The following DPY30 variants were observed in gnomAD, a reference collection of about 807,000 sequenced individuals.
DPY30 encodes protein dpy-30 homolog.
A neutral mutation model predicts 16.2 loss-of-function variants in DPY30; 6 were observed. The observed-to-expected ratio is 0.37, with a 90% CI of 0.20 to 0.73. DPY30 has a LOEUF of 0.73. Ranked by LOEUF, DPY30 falls within the 30% of genes least tolerant of loss-of-function variation. The pLI, the probability that DPY30 is intolerant of heterozygous loss-of-function variation, is 0.51. For missense variants in DPY30, 73 were observed against 113.1 expected, an observed-to-expected ratio of 0.65 and a Z score of 1.61; for synonymous variants, 39 against 38.8, an observed-to-expected ratio of 1.00 and a Z score of -0.02.
chr2:32,022,846 C>A (rs1324339395), downstream of DPY30, among the ~76,000 whole-genome samples: 1 of 151,964 alleles, frequency 6.6e-6, no homozygotes, highest in Non-Finnish European at 1.5e-5. Flanking sequence ...TTTGCAAAGG[C>A]CTTAACATGT....
Position 32,024,158 on chromosome 2 carries a change from T to TA in DPY30, c.*25dup. 1 of 1,605,572 alleles carries TA rather than the reference T, an allele frequency of 6.2e-7. No individual in the cohort carries two copies. On this transcript the variant is annotated 3_prime_UTR_variant, in exon 5 of 5. Transcript: ENST00000342166. ...AATCATGTAAATCTACAGTAGCAAC[T>TA]AAATTTTTCTGTTCTTCCCATTAAG...
At chr2:32,034,772 G>C (rs766058587) in intron 3 of DPY30, among the ~76,000 whole-genome samples, 6 of 152,094 alleles carry the variant, frequency 3.9e-5, no homozygotes, top group Admixed American at 2.6e-4. Flanking sequence ...GTCAAGGCAG[G>C]TGGATCACCT....
In DPY30 at chr2:32,039,327, C is replaced by T. The variant is rs763958170; in HGVS notation, c.37-1G>A. The stretch of plus-strand genomic sequence containing the variant: ...ACTCAGAGTGAGGATTTTCTGCAAC[C>T]TAGAAAACAAAACACCGGTCACAGA... On this transcript the variant is annotated splice_acceptor_variant, in intron 2 of 4. Coordinates refer to ENST00000342166, the MANE Select transcript of DPY30 (RefSeq NM_001321209.2). LOFTEE classifies it high-confidence loss of function. 2 of 1,614,134 alleles carry T rather than the reference C, an allele frequency of 1.2e-6. No homozygotes were observed. The highest frequency in any genetic ancestry group is 2.7e-5 in the African/African-American group (2 of 75,030).
intron 5 of DPY30, among the ~76,000 whole-genome samples, chr2:32,016,187 C>T (rs1675061595): frequency 6.6e-6 from 1 of 152,198 alleles, no homozygotes; most frequent in Non-Finnish European, 1.5e-5. Flanking sequence ...GTGTGAGCCA[C>T]CGTGCCCGGC....
chr2:32,015,069 A>C (rs562873551), intron 5 of DPY30, among the ~76,000 whole-genome samples: 2 of 150,830 alleles, frequency 1.3e-5, no homozygotes, highest in South Asian at 4.2e-4. Flanking sequence ...CCATATACAT[A>C]TACTACATAC....
downstream of DPY30, among the ~76,000 whole-genome samples, chr2:32,019,855 T>TAC (rs1302726322): frequency 9.8e-3 from 1,365 of 139,906 alleles, 24 homozygotes; most frequent in African/African-American, 0.034. Context: ...TATATATATA[T>TAC]ACACACACAT....
chr2:32,025,563 C>G (rs1675300885), intron 4 of DPY30, among the ~76,000 whole-genome samples: 1 of 150,062 alleles, frequency 6.7e-6, no homozygotes, highest in African/African-American at 2.5e-5. Context: ...GAGTTTGAGA[C>G]CAGCCTGGCC....
intron 4 of DPY30, among the ~76,000 whole-genome samples, chr2:32,025,490 C>T (rs1465945335): frequency 2.0e-5 from 3 of 151,828 alleles, no homozygotes; most frequent in Non-Finnish European, 2.9e-5. Flanking sequence ...TGACCGGGTA[C>T]GGTGGCTCAT....
chr2:32,035,029 A>T (rs1675683796), intron 3 of DPY30, among the ~76,000 whole-genome samples: 1 of 151,868 alleles, frequency 6.6e-6, no homozygotes, highest in Non-Finnish European at 1.5e-5. Context: ...AAATCGCTTG[A>T]ACCCGGGAGG....
At chr2:32,023,870 A>G (rs892444781), downstream of DPY30, 16 of 1,325,064 alleles carry the variant, frequency 1.2e-5, no homozygotes, top group Non-Finnish European at 1.6e-5. Flanking sequence ...CATGTAAAAT[A>G]TTTGTCATAC....
chr2:32,029,520 A>C, intron 4 of DPY30, 74 bp downstream of exon 4: 1 of 1,563,244 alleles, frequency 6.4e-7, no homozygotes, highest in Non-Finnish European at 8.7e-7. Flanking sequence ...CGCTATACAT[A>C]ACTATGATAT....
At chr2:32,018,470 G>A (rs1675103849) in intron 5 of DPY30, among the ~76,000 whole-genome samples, 1 of 152,172 alleles carries the variant, frequency 6.6e-6, no homozygotes, top group South Asian at 2.1e-4. Flanking sequence ...GCTCACGCCT[G>A]TAATCCCAGC....
At chr2:32,019,098 T>C (rs1675117433), downstream of DPY30, among the ~76,000 whole-genome samples, 1 of 152,144 alleles carries the variant, frequency 6.6e-6, no homozygotes, top group Non-Finnish European at 1.5e-5. Context: ...TTTATTTATC[T>C]ATTTATTTAT....
chr2:32,023,614 G>A (rs1049679814), downstream of DPY30: 3 of 738,502 alleles, frequency 4.1e-6, no homozygotes, highest in East Asian at 1.9e-4. Context: ...AACATTAGAA[G>A]ATATTGTATC....
At chr2:32,017,235 T>C (rs1675083121) in intron 5 of DPY30, among the ~76,000 whole-genome samples, 1 of 152,192 alleles carries the variant, frequency 6.6e-6, no homozygotes, top group Admixed American at 6.5e-5. Flanking sequence ...TATGAGAGTT[T>C]AAGTGATGCT....
In DPY30 at chr2:32,023,954, G is replaced by T; in HGVS notation, c.*230C>A. The T allele has an allele frequency of 7.1e-7, 1 of 1,398,622 alleles. No homozygotes were observed. The allele number at this position is 1,398,622 out of a possible 1,614,324, so 86.6% of individuals were successfully genotyped here. ...AGGTCATTTTAAAAACAAAGTTAAA[G>T]ACAATCTGAGAAAAAAATTGCACAG... On this transcript the variant is annotated 3_prime_UTR_variant, in exon 5 of 5. Coordinates refer to ENST00000342166, the MANE Select transcript of DPY30 (RefSeq NM_001321209.2).
At chr2:32,012,197 T>C (rs1674950743) in intron 5 of DPY30, 1 of 152,236 alleles carries the variant, frequency 6.6e-6, no homozygotes, top group African/African-American at 2.4e-5. Flanking sequence ...TCCTCCCACC[T>C]TCTCCAACTT....
Position 32,023,977 on chromosome 2 carries a change from C to T in DPY30, c.*207G>A. 7.0e-7 allele frequency: 1 copy of T among 1,420,350 alleles called. No homozygotes were observed. Among genetic ancestry groups the T allele is most frequent in the Non-Finnish European group, 9.2e-7 (1 of 1,090,686 alleles). 88.0% of individuals were successfully genotyped at this position (1,420,350 alleles called of 1,614,324 possible). On this transcript the variant is annotated 3_prime_UTR_variant, in exon 5 of 5. Transcript: ENST00000342166. ...AAGACAATCTGAGAAAAAAATTGCA[C>T]AGAATACACTCATTAAATAGGTATG...
intron 3 of DPY30, among the ~76,000 whole-genome samples, chr2:32,031,669 C>A (rs1182191634): frequency 1.3e-5 from 2 of 151,730 alleles, no homozygotes; most frequent in East Asian, 1.9e-4. Context: ...CCCAAGAGGG[C>A]GGATCATGCA....
Sources: allele counts gnomAD v4.1 joint callset (sites outside exome capture counted in the v4.1 genomes callset), GRCh38; gene constraint gnomAD v4.1.1; transcripts MANE v1.5; gene names NCBI Gene and HGNC (gene_info 2026-07-23, HGNC 2026-07-21).